Variants in KIAA1217 observed in about 807,000 individuals in gnomAD.
The protein encoded by KIAA1217 is KIAA1217, also known as sickle tail protein homolog.
A neutral mutation model predicts 163.9 loss-of-function variants in KIAA1217; 88 were observed. That is an observed-to-expected ratio of 0.54 (90% CI 0.45 to 0.64). The LOEUF (loss-of-function observed/expected upper bound fraction) is 0.64, where lower values mean the gene tolerates loss of function less well. Ranked by LOEUF, KIAA1217 falls within the 30% of genes least tolerant of loss-of-function variation. The pLI is 0.00. For missense variants in KIAA1217, 2,372 were observed against 2,475.0 expected (o/e 0.96, Z 0.88); for synonymous variants, 903 against 923.1 (o/e 0.98, Z 0.39).
intron 1 of KIAA1217, among the ~76,000 whole-genome samples, chr10:23,916,968 C>CAAAAAAA (rs72049753): frequency 1.2e-5 from 1 of 80,074 alleles, no homozygotes; most frequent in Non-Finnish European, 2.6e-5. Flanking sequence ...GAGATTCTCT[C>CAAAAAAA]AAAAAAAAAA....
chr10:24,216,249 G>C (rs140983876), intron 1 of KIAA1217, among the ~76,000 whole-genome samples: 1 of 152,062 alleles, frequency 6.6e-6, no homozygotes, highest in African/African-American at 2.4e-5. Flanking sequence ...TTATTGTCCC[G>C]GCTGTCTTGA....
At position 24,542,306 on chromosome 10, in the gene KIAA1217, G is replaced by T. The variant is rs148908978; in HGVS notation, c.3535-387G>T. ...CAGTTTAGTGGCAGATCTTGATTAG[G>T]ATCAAAACTTTCTGTCAGCCCATAC... On this transcript the variant is annotated intron_variant, in intron 17 of 20. Coordinates refer to ENST00000376454, the MANE Select transcript of KIAA1217 (RefSeq NM_019590.5). The T allele has an allele frequency of 4.2e-5, 9 of 214,640 alleles. No individual in the cohort carries two copies. The East Asian group carries it at 9.8e-4, about 23-fold the overall frequency. 13.3% of individuals were successfully genotyped at this position (214,640 alleles called of 1,614,324 possible).
chr10:23,991,060 G>T (rs1249013785), intron 1 of KIAA1217, among the ~76,000 whole-genome samples: 1 of 152,240 alleles, frequency 6.6e-6, no homozygotes, highest in Non-Finnish European at 1.5e-5. Context: ...AGTGTGAAAT[G>T]GTGCCTTTCT....
chr10:24,364,346 G>T (rs1049382564), intron 2 of KIAA1217, among the ~76,000 whole-genome samples: 2 of 152,182 alleles, frequency 1.3e-5, no homozygotes, highest in African/African-American at 4.8e-5. Context: ...GCTTGTAAAT[G>T]CTCCACGTTG....
rs567958922 is a variant in KIAA1217, at chr10:23,886,771, C to T, written c.-320-120454C>T. On this transcript the variant is annotated intron_variant, in intron 1 of 18. Transcript: ENST00000376462. Reference sequence around the variant, plus strand: ...TTATATTTTAAAAGTATTTATTTTCCTTATAAATGTCATTTGATAACAAAT... The same window carrying T: ...TTATATTTTAAAAGTATTTATTTTCTTTATAAATGTCATTTGATAACAAAT... Among the ~76,000 whole-genome samples the T allele has an allele frequency of 4.0e-5, 6 of 150,564 alleles. No individual in the cohort carries two copies. The East Asian group carries it at 7.8e-4, about 20-fold the overall frequency.
chr10:24,047,540 A>C (rs953145112), intron 2 of KIAA1217, among the ~76,000 whole-genome samples: 26 of 152,210 alleles, frequency 1.7e-4, no homozygotes, highest in Non-Finnish European at 2.9e-5. Context: ...CTCTATTTAC[A>C]TACCTACAAT....
At chr10:24,332,329 G>A (rs190909361) in intron 2 of KIAA1217, among the ~76,000 whole-genome samples, 1 of 152,316 alleles carries the variant, frequency 6.6e-6, no homozygotes, top group Non-Finnish European at 1.5e-5. Context: ...ACCCAGCGTA[G>A]AGAGAATATA....
intron 1 of KIAA1217, among the ~76,000 whole-genome samples, chr10:23,783,441 A>G (rs1011907838): frequency 2.6e-5 from 4 of 152,270 alleles, no homozygotes; most frequent in Middle Eastern, 3.4e-3. Flanking sequence ...AATATTTTCA[A>G]TGTGTAGTTG....
chr10:24,196,172 C>CACAT (rs1222471443), intron 2 of KIAA1217, among the ~76,000 whole-genome samples: 29 of 146,550 alleles, frequency 2.0e-4, no homozygotes, highest in African/African-American at 7.3e-4. Flanking sequence ...CACACACACA[C>CACAT]TGCCCTCACA....
intron 4 of KIAA1217, among the ~76,000 whole-genome samples, chr10:24,434,654 C>T (rs2059883378): frequency 6.6e-6 from 1 of 152,188 alleles, no homozygotes; most frequent in Admixed American, 6.5e-5. Context: ...TCTTTATTGT[C>T]ATTTTGGTGT....
In KIAA1217 at chr10:24,494,575, C is replaced by T. The variant is rs772170222; in HGVS notation, c.1755C>T (p.Pro585=). The change falls in exon 7 of 21, where the codon CCC becomes CCT. Residue 585 remains proline (P), a synonymous_variant. Transcript: ENST00000376454. ...TTCAGTCTGCGCTTTTTAAAGGGCC[C>T]ATTACAAGTTATAGCAAAGATGCGT... ...GLVQSALFKG[P]ITSYSKDASS... 68 of 1,612,370 alleles carry T rather than the reference C, an allele frequency of 4.2e-5. No homozygotes were observed. The highest frequency in any genetic ancestry group is 5.7e-5 in the Non-Finnish European group (67 of 1,179,038).
At chr10:23,906,279 T>A (rs1322648917) in intron 1 of KIAA1217, among the ~76,000 whole-genome samples, 1 of 150,456 alleles carries the variant, frequency 6.6e-6, no homozygotes, top group African/African-American at 2.5e-5. Flanking sequence ...CACACAAAAA[T>A]ACACATACAC....
intron 2 of KIAA1217, among the ~76,000 whole-genome samples, chr10:24,164,870 A>T (rs543004397): frequency 6.6e-6 from 1 of 152,296 alleles, no homozygotes; most frequent in South Asian, 2.1e-4. Context: ...GGGACCACTC[A>T]ATGGATGCCA....
upstream of KIAA1217, among the ~76,000 whole-genome samples, chr10:24,207,282 T>TCTCACACACACACACACACACACACA (rs529791287): frequency 7.1e-6 from 1 of 140,164 alleles, no homozygotes; most frequent in African/African-American, 2.9e-5. Flanking sequence ...TCTCTCTCTC[T>TCTCACACACACACACACACACACACA]CACACACACA....
At chr10:24,108,176 C>T (rs2062704499) in intron 2 of KIAA1217, among the ~76,000 whole-genome samples, 1 of 152,070 alleles carries the variant, frequency 6.6e-6, no homozygotes, top group African/African-American at 2.4e-5. Context: ...GACTGTGTAA[C>T]CATAGGAATT....
At chr10:24,351,645 C>T (rs74667336) in intron 2 of KIAA1217, among the ~76,000 whole-genome samples, 15 of 151,938 alleles carry the variant, frequency 9.9e-5, no homozygotes, top group Non-Finnish European at 2.1e-4. Context: ...CCGTTTTTTT[C>T]GTTTATGGAC....
In KIAA1217 at chr10:24,258,872, C is replaced by T. The variant is rs544593733; in HGVS notation, c.354+38963C>T. Among the ~76,000 whole-genome samples the T allele has an allele frequency of 3.3e-5, 5 of 152,284 alleles. No individual in the cohort carries two copies. The East Asian group carries it at 7.8e-4, about 24-fold the overall frequency. The stretch of plus-strand genomic sequence containing the variant: ...CCTCCCAAAGTGCTGGGATTACAGG[C>T]GTGAGCCACCGCGCCCGGCCGGCTT... On this transcript the variant is annotated intron_variant, in intron 2 of 20. Coordinates refer to ENST00000376454, the MANE Select transcript of KIAA1217 (RefSeq NM_019590.5).
intron 1 of KIAA1217, among the ~76,000 whole-genome samples, chr10:23,924,578 A>C (rs535178170): frequency 3.9e-5 from 6 of 152,218 alleles, no homozygotes; most frequent in Non-Finnish European, 8.8e-5. Context: ...AAAATTAGAC[A>C]TAGAGAACTC....
chr10:24,122,579 C>A (rs138315719), intron 2 of KIAA1217, among the ~76,000 whole-genome samples: 1 of 152,112 alleles, frequency 6.6e-6, no homozygotes, highest in Non-Finnish European at 1.5e-5. Context: ...TTCAGAAATA[C>A]TATCCTCTCA....
Sources: gnomAD v4.1 joint callset for allele counts (sites outside exome capture counted in the v4.1 genomes callset) on GRCh38, gnomAD v4.1.1 for gene constraint, MANE v1.5 for transcripts, NCBI Gene and HGNC (gene_info 2026-07-23, HGNC 2026-07-21) for gene names.